SNX18: variants seen among roughly 807,000 people sequenced by gnomAD.
The protein encoded by SNX18 is sorting nexin 18.
In SNX18, 35 loss-of-function variants were observed where a neutral mutation model predicts 48.7. That is an observed-to-expected ratio of 0.72 (90% CI 0.55 to 0.95). The LOEUF (loss-of-function observed/expected upper bound fraction) is 0.95, where lower values mean the gene tolerates loss of function less well. Among genes scored for constraint, SNX18 ranks in the 40% least tolerant of loss-of-function variants. The pLI is 0.00. For missense variants in SNX18, 824 were observed against 871.0 expected (o/e 0.95, Z 0.68); for synonymous variants, 492 against 384.7 (o/e 1.28, Z -3.26).
chr5:54,528,790 C>G (rs1003344987), intron 1 of SNX18, among the ~76,000 whole-genome samples: 1 of 152,110 alleles, frequency 6.6e-6, no homozygotes, highest in African/African-American at 2.4e-5. Flanking sequence ...GTTTTGAAAA[C>G]AAGTGGAAGT....
At chr5:54,565,424 A>C in the SNX18 span, among the ~76,000 whole-genome samples, 1 of 152,096 alleles carries the variant, frequency 6.6e-6, no homozygotes, top group African/African-American at 2.4e-5. Context: ...AGAAAAAAAA[A>C]ATACTGGGTG....
chr5:54,524,769 A>G (rs1206339769), intron 1 of SNX18, among the ~76,000 whole-genome samples: 1 of 152,236 alleles, frequency 6.6e-6, no homozygotes, highest in East Asian at 1.9e-4. Context: ...TACAACACAG[A>G]CTAGAATCTG....
the SNX18 span, among the ~76,000 whole-genome samples, chr5:54,632,467 T>C: frequency 6.6e-6 from 1 of 152,214 alleles, no homozygotes; most frequent in Non-Finnish European, 1.5e-5. Flanking sequence ...CATGGTGGCC[T>C]GGACACAGTC....
chr5:54,548,237 GCAAGAC>G (rs1459805982), downstream of SNX18, among the ~76,000 whole-genome samples: 1 of 152,148 alleles, frequency 6.6e-6, no homozygotes. Context: ...CATGCCAAAG[GCAAGAC>G]CAATTGTCCA....
intron 1 of SNX18, among the ~76,000 whole-genome samples, chr5:54,521,185 C>T (rs1363485247): frequency 6.6e-6 from 1 of 152,170 alleles, no homozygotes; most frequent in African/African-American, 2.4e-5. Flanking sequence ...GTGCAAATTA[C>T]TGGTGAACAG....
At chr5:54,630,854 A>ACCT in the SNX18 span, among the ~76,000 whole-genome samples, 1 of 146,824 alleles carries the variant, frequency 6.8e-6, no homozygotes, top group African/African-American at 2.5e-5. Context: ...AAAAAAAGAG[A>ACCT]CCTCATGGAA....
chr5:54,629,509 A>G, the SNX18 span, among the ~76,000 whole-genome samples: 1 of 152,190 alleles, frequency 6.6e-6, no homozygotes, highest in Admixed American at 6.5e-5. Context: ...CAAGCATATA[A>G]CTTAATACCT....
the SNX18 span, chr5:54,645,171 A>G: frequency 6.6e-6 from 1 of 152,226 alleles, no homozygotes; most frequent in South Asian, 2.1e-4. Flanking sequence ...CATGGTAAGA[A>G]TGATATAACC....
chr5:54,611,924 C>T, the SNX18 span, among the ~76,000 whole-genome samples: 1 of 151,610 alleles, frequency 6.6e-6, no homozygotes, highest in South Asian at 2.1e-4. Flanking sequence ...GTACTCCAGG[C>T]TGGAGTGCAG....
intron 1 of SNX18, among the ~76,000 whole-genome samples, chr5:54,540,549 G>A (rs1454108570): frequency 1.3e-5 from 2 of 150,544 alleles, no homozygotes; most frequent in African/African-American, 2.4e-5. Flanking sequence ...TGGTTGTTAC[G>A]GATGGACATC....
chr5:54,518,050 A>T lies in SNX18; in HGVS notation c.98A>T (p.Gln33Leu). Reference sequence around the variant, plus strand: ...GAGGTGCTGAGCCTGTGCAGCGAGCAGGACATCGAGGGCTGGCTCGAGGGG... The same window carrying T: ...GAGGTGCTGAGCCTGTGCAGCGAGCTGGACATCGAGGGCTGGCTCGAGGGG... ...EHEVLSLCSE[Q>L]DIEGWLEGVN... The change falls in exon 1 of 2, where the codon CAG becomes CTG. Residue 33 changes from glutamine to leucine, a missense_variant. Transcript: ENST00000381410. The T allele has an allele frequency of 6.5e-7, 1 of 1,546,662 alleles. No homozygotes were observed. The highest frequency in any genetic ancestry group is 8.7e-7 in the Non-Finnish European group (1 of 1,150,982).
rs1485533821 is a variant in SNX18 at position 54,518,213 on chromosome 5, G to T, written c.261G>T (p.Glu87Asp). ...CCAATGTGCCCCCCGGGGGCTTCGA[G>T]CCCCTGCCTGTCGCGCCCCCCGCCT... ...RYANVPPGGF[E>D]PLPVAPPASF... The change falls in exon 1 of 2, where the codon GAG (glutamate) becomes GAT (aspartate). Residue 87 changes from glutamate to aspartate, a missense_variant. Glu to Asp is a conservative substitution (Grantham distance 45). Coordinates refer to ENST00000381410, the MANE Select transcript of SNX18 (RefSeq NM_001102575.2). 1 of 1,403,688 alleles carries T rather than the reference G, an allele frequency of 7.1e-7. No individual in the cohort carries two copies. Among genetic ancestry groups the T allele is most frequent in the Non-Finnish European group, 9.2e-7 (1 of 1,088,846 alleles). The allele number at this position is 1,403,688 out of a possible 1,614,324, so 87.0% of individuals were successfully genotyped here.
chr5:54,519,345 C>G lies in SNX18; in HGVS notation c.1393C>G (p.Gln465Glu). 9.9e-6 allele frequency: 16 copies of G among 1,613,396 alleles called. No homozygotes were observed. The highest frequency in any genetic ancestry group is 1.4e-5 in the Non-Finnish European group (16 of 1,179,556). ...GGTGACCGGCTTCAAAAAGGAGTATCAGAAGGTGGGCCAGTCCTTCCGCGG... is the reference window on the plus strand; with the variant it reads ...GGTGACCGGCTTCAAAAAGGAGTATGAGAAGGTGGGCCAGTCCTTCCGCGG... ...KQVTGFKKEYQKVGQSFRGLS... is the reference protein window; with the variant it reads ...KQVTGFKKEYEKVGQSFRGLS... Residue 465 changes from glutamine to glutamate, a missense_variant, in exon 1 of 2, where the codon CAG becomes GAG. By Grantham distance (29) the Gln-to-Glu change is conservative. Around this residue, in one of 3 missense-constraint regions of SNX18, gnomAD observed 443 missense variants for 503.6 expected, o/e 0.88. Coordinates refer to ENST00000381410, the MANE Select transcript of SNX18 (RefSeq NM_001102575.2).
the SNX18 span, among the ~76,000 whole-genome samples, chr5:54,599,927 C>A: frequency 1.3e-5 from 2 of 152,094 alleles, no homozygotes; most frequent in African/African-American, 2.4e-5. Context: ...GAGGCATGGG[C>A]AAAGATTTCA....
chr5:54,610,908 T>C, the SNX18 span, among the ~76,000 whole-genome samples: 1 of 152,254 alleles, frequency 6.6e-6, no homozygotes, highest in Non-Finnish European at 1.5e-5. Context: ...CAAATTTCCC[T>C]AACATTGTCT....
At position 54,543,259 on chromosome 5, in the gene SNX18, G is replaced by C; in HGVS notation, c.1702G>C (p.Asp568His). 1.2e-6 allele frequency: 2 copies of C among 1,614,170 alleles called. No homozygotes were observed. The highest frequency in any genetic ancestry group is 1.7e-4 in the Middle Eastern group (1 of 6,058). ...MEVQKADGIQ[D>H]RCNTISFATL... ...GGTGCAGAAGGCTGACGGCATTCAG[G>C]ATCGCTGTAACACTATTTCTTTTGC... is the stretch of plus-strand genomic sequence containing the variant. The change falls in exon 2 of 2, where the codon GAT becomes CAT. Residue 568 changes from aspartate (D) to histidine (H), a missense_variant. Physicochemically the swap from Asp to His is moderately conservative, Grantham distance 81. Around this residue, in one of 3 missense-constraint regions of SNX18, gnomAD observed 443 missense variants for 503.6 expected, o/e 0.88. Coordinates refer to ENST00000381410, the MANE Select transcript of SNX18 (RefSeq NM_001102575.2).
chr5:54,519,475 C>T lies in SNX18; in HGVS notation c.1523C>T (p.Ala508Val). 1.2e-6 allele frequency: 2 copies of T among 1,614,190 alleles called. No homozygotes were observed. Among genetic ancestry groups the T allele is most frequent in the Non-Finnish European group, 1.7e-6 (2 of 1,180,032 alleles). ...DAYDAIGELF[A>V]EQPRQDLDPV... ...TATGACGCCATTGGCGAGCTCTTCG[C>T]GGAGCAGCCCAGGCAGGACCTGGAT... is the stretch of plus-strand genomic sequence containing the variant. The change falls in exon 1 of 2, where the codon GCG (alanine) becomes GTG (valine). Residue 508 changes from alanine to valine, a missense_variant. Ala to Val is a moderately conservative substitution (Grantham distance 64). This residue lies in a region of SNX18 where 443 missense variants were observed against 503.6 expected (regional missense o/e 0.88). Coordinates refer to ENST00000381410, the MANE Select transcript of SNX18 (RefSeq NM_001102575.2).
Position 54,537,366 on chromosome 5 carries a change from A to T in SNX18, c.1622-5813A>T, listed in dbSNP as rs527304548. Among the ~76,000 whole-genome samples, 19 of 152,338 alleles carry T rather than the reference A, an allele frequency of 1.2e-4. No individual in the cohort carries two copies. In the South Asian group the frequency reaches 3.9e-3, roughly 32 times the overall value. On this transcript the variant is annotated intron_variant, in intron 1 of 1. Transcript: ENST00000381410. Reference sequence around the variant, plus strand: ...CTTTTTAAATCTCTATTTAATGTGCACCTGCACTTTCTTTTCATAATAAAA... The same window carrying T: ...CTTTTTAAATCTCTATTTAATGTGCTCCTGCACTTTCTTTTCATAATAAAA...
At chr5:54,637,764 T>G in the SNX18 span, among the ~76,000 whole-genome samples, 10 of 150,260 alleles carry the variant, frequency 6.7e-5, no homozygotes, top group Non-Finnish European at 1.0e-4. Flanking sequence ...GTGAGATGTG[T>G]GAAATGCCTG....
Sources: gnomAD v4.1 joint callset for allele counts (sites outside exome capture counted in the v4.1 genomes callset) on GRCh38, gnomAD v4.1.1 for gene constraint, gnomAD v4.1.1 regional missense constraint, MANE v1.5 for transcripts, NCBI Gene and HGNC (gene_info 2026-07-23, HGNC 2026-07-21) for gene names.